Variants in CLSTN2 observed in about 807,000 individuals in gnomAD.
CLSTN2 encodes the protein calsyntenin-2.
Under a neutral mutation model 101.2 loss-of-function variants are expected in CLSTN2, and 48 were observed. The observed-to-expected ratio is 0.47, with a 90% CI of 0.38 to 0.60. The LOEUF (loss-of-function observed/expected upper bound fraction) is 0.60, where lower values mean the gene tolerates loss of function less well. CLSTN2 is among the 20% of genes least tolerant of loss of function. CLSTN2 has a pLI of 0.00. For synonymous variants in CLSTN2, 481 were observed against 463.6 expected (o/e 1.04, Z -0.48); for missense variants, 1,160 against 1,238.2 (o/e 0.94, Z 0.95).
chr3:140,344,051 G>A lies in CLSTN2; in HGVS notation c.233-59578G>A, dbSNP rs1037545924. Reference sequence around the variant, plus strand: ...TGTTTGTTCCAGTTGGCTATAATTGGCAGCTTGTTTCTTCTCCAGCGTCCT... The same window carrying A: ...TGTTTGTTCCAGTTGGCTATAATTGACAGCTTGTTTCTTCTCCAGCGTCCT... On this transcript the variant is annotated intron_variant, in intron 2 of 16. Coordinates refer to ENST00000458420, the MANE Select transcript of CLSTN2 (RefSeq NM_022131.3). 6.6e-5 allele frequency among the ~76,000 whole-genome samples: 10 copies of A among 152,166 alleles called. No homozygotes were observed. The East Asian group carries it at 1.9e-3, about 29-fold the overall frequency.
chr3:140,503,122 C>T (rs1934614616), intron 8 of CLSTN2, among the ~76,000 whole-genome samples: 1 of 152,142 alleles, frequency 6.6e-6, no homozygotes, highest in African/African-American at 2.4e-5. Context: ...GGCTCTCCTG[C>T]CTCCCTCTTT....
At chr3:140,505,761 C>T (rs898808453) in intron 8 of CLSTN2, 4 of 152,170 alleles carry the variant, frequency 2.6e-5, no homozygotes, top group Non-Finnish European at 4.4e-5. Context: ...CCTCTGTTCT[C>T]CTAGAGACAG....
At chr3:140,316,731 G>A (rs2087234969) in intron 2 of CLSTN2, among the ~76,000 whole-genome samples, 1 of 152,186 alleles carries the variant, frequency 6.6e-6, no homozygotes, top group African/African-American at 2.4e-5. Flanking sequence ...ACAGTGGGTA[G>A]TAATGTGTGA....
intron 2 of CLSTN2, among the ~76,000 whole-genome samples, chr3:140,346,444 C>G (rs2087546537): frequency 6.6e-6 from 1 of 152,192 alleles, no homozygotes. Flanking sequence ...TCAACCCACT[C>G]CGTGTAACTA....
intron 1 of CLSTN2, among the ~76,000 whole-genome samples, chr3:140,097,616 G>A (rs140876401): frequency 9.9e-5 from 15 of 152,226 alleles, no homozygotes; most frequent in Non-Finnish European, 1.5e-4. Context: ...ATGTGCTTTC[G>A]AATTTTAGAA....
chr3:140,360,647 C>T (rs1343125337), intron 2 of CLSTN2, among the ~76,000 whole-genome samples: 1 of 152,064 alleles, frequency 6.6e-6, no homozygotes, highest in Non-Finnish European at 1.5e-5. Context: ...AGTGAAAAAG[C>T]TCATCCAAAA....
At chr3:140,365,047 C>T (rs1034750596) in intron 2 of CLSTN2, among the ~76,000 whole-genome samples, 2 of 152,168 alleles carry the variant, frequency 1.3e-5, no homozygotes, top group Admixed American at 1.3e-4. Context: ...GGGCTGCCCC[C>T]TGAAGCAGGT....
intron 8 of CLSTN2, among the ~76,000 whole-genome samples, chr3:140,524,050 G>C (rs1935088654): frequency 1.3e-5 from 2 of 152,224 alleles, no homozygotes. Context: ...TAAGACGAAA[G>C]CATTATCAGA....
chr3:139,989,025 G>A (rs1452123742), intron 1 of CLSTN2, among the ~76,000 whole-genome samples: 3 of 152,194 alleles, frequency 2.0e-5, no homozygotes, highest in Non-Finnish European at 2.9e-5. Context: ...GCTAACCTGA[G>A]ACAGCTCCTT....
At position 140,558,713 on chromosome 3, in the gene CLSTN2, C is replaced by G. The variant is rs752145233; in HGVS notation, c.1897C>G (p.Pro633Ala). Reference sequence around the variant, plus strand: ...TGTGATGGTCCTCCAGGCCATCGAGCCCCGGATCACCCTCCGGGGCACAGA... The same window carrying G: ...TGTGATGGTCCTCCAGGCCATCGAGGCCCGGATCACCCTCCGGGGCACAGA... The part of the protein sequence containing the change: ...AYVMVLQAIE[P>A]RITLRGTDHF... The change falls in exon 12 of 17, where the codon CCC becomes GCC. Residue 633 changes from proline to alanine, a missense_variant. Physicochemically the swap from Pro to Ala is conservative, Grantham distance 27. Transcript: ENST00000458420. The G allele has an allele frequency of 4.3e-6, 7 of 1,614,074 alleles. No individual in the cohort carries two copies. The highest frequency in any genetic ancestry group is 2.2e-5 in the East Asian group (1 of 44,870).
chr3:139,988,760 T>C (rs9833439), intron 1 of CLSTN2, among the ~76,000 whole-genome samples: 50,276 of 152,022 alleles, frequency 0.33, 10,135 homozygotes, highest in Non-Finnish European at 0.46. Context: ...GACTTGAGTA[T>C]TGGGGAGGTA....
At chr3:140,376,007 G>A (rs992888522) in intron 2 of CLSTN2, among the ~76,000 whole-genome samples, 12 of 152,252 alleles carry the variant, frequency 7.9e-5, no homozygotes, top group East Asian at 3.9e-4. Flanking sequence ...GGATGTTTAA[G>A]CCTCATTAGA....
intron 1 of CLSTN2, among the ~76,000 whole-genome samples, chr3:139,939,016 G>T (rs1244240361): frequency 6.6e-6 from 1 of 151,904 alleles, no homozygotes; most frequent in Non-Finnish European, 1.5e-5. Context: ...GGAGAGACAA[G>T]ATTTTTATGT....
chr3:140,438,688 A>G (rs2088713330), intron 5 of CLSTN2, among the ~76,000 whole-genome samples: 1 of 152,188 alleles, frequency 6.6e-6, no homozygotes, highest in Non-Finnish European at 1.5e-5. Context: ...TGCCTGGAAG[A>G]TGCTCATGTT....
intron 2 of CLSTN2, among the ~76,000 whole-genome samples, chr3:140,359,487 G>A (rs2087705574): frequency 6.6e-6 from 1 of 152,196 alleles, no homozygotes; most frequent in Non-Finnish European, 1.5e-5. Flanking sequence ...GAAGGAAAAA[G>A]GAATGGGGCT....
chr3:140,236,684 A>C (rs967660869), intron 2 of CLSTN2, among the ~76,000 whole-genome samples: 8 of 151,508 alleles, frequency 5.3e-5, no homozygotes, highest in African/African-American at 1.9e-4. Context: ...TCTCTATTTC[A>C]CTTTGTATAG....
At chr3:139,956,988 C>T (rs1386561634) in intron 1 of CLSTN2, among the ~76,000 whole-genome samples, 1 of 152,112 alleles carries the variant, frequency 6.6e-6, no homozygotes, top group East Asian at 1.9e-4. Context: ...TGAGCGTTGC[C>T]AATTTGAAAG....
At chr3:140,018,900 T>C (rs1268068909) in intron 1 of CLSTN2, among the ~76,000 whole-genome samples, 1 of 152,220 alleles carries the variant, frequency 6.6e-6, no homozygotes, top group African/African-American at 2.4e-5. Context: ...ATATTTTAAA[T>C]ACTTACTGAT....
In CLSTN2 at chr3:140,569,613, C is replaced by T. The variant is rs1985461411; in HGVS notation, c.*3360C>T. 6.6e-6 allele frequency: 1 copy of T among 152,160 alleles called. No individual in the cohort carries two copies. The highest frequency in any genetic ancestry group is 2.1e-4 in the South Asian group (1 of 4,828). 9.4% of individuals were successfully genotyped at this position (152,160 alleles called of 1,614,324 possible). A position where few individuals can be genotyped will look rare whatever the true frequency, so the allele number is the denominator to read the frequency against. On this transcript the variant is annotated 3_prime_UTR_variant, in exon 17 of 17. Transcript: ENST00000458420. ...AAATGCTGTAAGCACAGCCAAGGCC[C>T]AAATTCATCTAGATACCAAAAATGT... is the stretch of plus-strand genomic sequence containing the variant.
Sources: allele counts gnomAD v4.1 joint callset (sites outside exome capture counted in the v4.1 genomes callset), GRCh38; gene constraint gnomAD v4.1.1; transcripts MANE v1.5; gene names NCBI Gene and HGNC (gene_info 2026-07-23, HGNC 2026-07-21).